Variants in SLC1A6 observed in about 807,000 individuals in gnomAD.
SLC1A6 encodes the protein excitatory amino acid transporter 4.
Under a neutral mutation model 42.1 loss-of-function variants are expected in SLC1A6, and 15 were observed. The observed-to-expected ratio is 0.36, with a 90% confidence interval of 0.24 to 0.55. The LOEUF (loss-of-function observed/expected upper bound fraction) is 0.55, where lower values mean the gene tolerates loss of function less well. SLC1A6 is among the 20% of genes least tolerant of loss of function. SLC1A6 has a pLI of 0.88. For missense variants in SLC1A6, 542 were observed against 772.5 expected (o/e 0.70, Z 3.54); for synonymous variants, 317 against 319.7 (o/e 0.99, Z 0.09).
intron 1 of SLC1A6, among the ~76,000 whole-genome samples, chr19:15,010,246 A>G (rs2045919863): frequency 6.7e-6 from 1 of 149,266 alleles, no homozygotes; most frequent in Non-Finnish European, 1.5e-5. Flanking sequence ...AGAAAAGAAA[A>G]CGTAAGACTA....
At chr19:14,973,189 C>T (rs2045665482) in intron 1 of SLC1A6, 1 of 471,774 alleles carries the variant, frequency 2.1e-6, no homozygotes, top group South Asian at 3.3e-5. Flanking sequence ...TCACTTGAGC[C>T]CAAGAGTTCA....
In SLC1A6 at chr19:14,979,051, C is replaced by CTCTCTCTCTCACACAT. The variant is rs2045743740; in HGVS notation, c.-8+257_-8+258insATGTGTGAGAGAGAGA. On this transcript the variant is annotated intron_variant, in intron 1 of 9. Transcript: ENST00000594383. This position sits in a 1 kb window ranked among gnomAD's most constrained non-coding sequence, Gnocchi z 4.2. ...AAATTCAGTCTCTCTCTCTCTCTGT[C>CTCTCTCTCTCACACAT]ACACACACACACACACACACACACA... Among the ~76,000 whole-genome samples, 4 of 1,348 alleles carry CTCTCTCTCTCACACAT rather than the reference C, an allele frequency of 3.0e-3. No individual in the cohort carries two copies. Among genetic ancestry groups the CTCTCTCTCTCACACAT allele is most frequent in the African/African-American group, 0.023 (4 of 172 alleles). The allele number at this position is 1,348 out of a possible 152,430, so 0.9% of individuals were successfully genotyped here. A position where few individuals can be genotyped will look rare whatever the true frequency, so the allele number is the denominator to read the frequency against.
intron 7 of SLC1A6, among the ~76,000 whole-genome samples, chr19:14,955,796 G>A (rs1331776213): frequency 6.6e-6 from 1 of 151,464 alleles, no homozygotes; most frequent in African/African-American, 2.4e-5. Flanking sequence ...TTAGCCAGGT[G>A]TGGTGGTGCA....
intron 1 of SLC1A6, among the ~76,000 whole-genome samples, chr19:14,999,093 T>C (rs953425589): frequency 3.3e-5 from 5 of 152,056 alleles, no homozygotes; most frequent in Non-Finnish European, 7.4e-5. Flanking sequence ...TTAGCCATGA[T>C]GGTCTCAATC....
rs10423764 is a variant in SLC1A6, at chr19:15,006,583, A to G, written c.6+3902T>C. ...TGAATGATCCCTTGATTACAAACCC[A>G]GGGTCATTCATTCTTTCTTGACTGT... On this transcript the variant is annotated intron_variant, in intron 1 of 8. Coordinates refer to the SLC1A6 transcript ENST00000430939. Among the ~76,000 whole-genome samples, 359 of 150,348 alleles carry G rather than the reference A, an allele frequency of 2.4e-3. 2 individuals are homozygous for G. Among genetic ancestry groups the G allele is most frequent in the African/African-American group, 8.5e-3 (349 of 40,898 alleles).
chr19:15,006,921 C>T (rs1426976690), intron 1 of SLC1A6, among the ~76,000 whole-genome samples: 1 of 151,978 alleles, frequency 6.6e-6, no homozygotes, highest in Non-Finnish European at 1.5e-5. Flanking sequence ...CTACTGCACT[C>T]CAGCCTGGGT....
chr19:15,009,612 G>A (rs1418365041), intron 1 of SLC1A6, among the ~76,000 whole-genome samples: 3 of 152,108 alleles, frequency 2.0e-5, no homozygotes, highest in Non-Finnish European at 4.4e-5. Flanking sequence ...CCGTAGGTAG[G>A]AGGGTGAGAA....
chr19:15,007,260 G>A (rs79242529), intron 1 of SLC1A6, among the ~76,000 whole-genome samples: 11,135 of 152,220 alleles, frequency 0.073, 950 homozygotes, highest in African/African-American at 0.21. Flanking sequence ...TGGAAAACAC[G>A]ATGCTGAGTG....
intron 9 of SLC1A6, among the ~76,000 whole-genome samples, chr19:14,951,078 C>CAAAA (rs59828742): frequency 3.3e-4 from 26 of 79,774 alleles, no homozygotes; most frequent in South Asian, 5.0e-4. Context: ...ACTAAAAATA[C>CAAAA]AAAAAAAAAA....
chr19:14,955,137 G>A (rs1329123611), intron 7 of SLC1A6, among the ~76,000 whole-genome samples: 1 of 152,084 alleles, frequency 6.6e-6, no homozygotes, highest in African/African-American at 2.4e-5. Flanking sequence ...TACATCATAC[G>A]GTTGGAATCC....
intron 1 of SLC1A6, among the ~76,000 whole-genome samples, chr19:14,975,909 A>G (rs2045705437): frequency 6.8e-6 from 1 of 148,104 alleles, no homozygotes; most frequent in African/African-American, 2.5e-5. Flanking sequence ...GGGAAGGGGG[A>G]AGGGAAGGAA....
rs759390817 is a variant in SLC1A6 at position 14,952,878 on chromosome 19, C to T, written c.1499+50G>A. The T allele has an allele frequency of 1.9e-6, 3 of 1,583,596 alleles. No individual in the cohort carries two copies. The South Asian group carries it at 3.5e-5, about 18-fold the overall frequency. On this transcript the variant is annotated intron_variant, in intron 9 of 9. Coordinates refer to ENST00000594383, the MANE Select transcript of SLC1A6 (RefSeq NM_005071.3). ...AGGTCGAGGACGTTGCAGGGGAAAG[C>T]AGTGTGTGCAGAAGCAGGAGCACCA...
At chr19:14,976,444 C>T (rs73927894) in intron 1 of SLC1A6, among the ~76,000 whole-genome samples, 1,819 of 152,218 alleles carry the variant, frequency 0.012, 37 homozygotes, top group African/African-American at 0.042. Context: ...TAGTAATCAG[C>T]CATAATAAAG....
At chr19:15,007,259 C>T (rs2045900315) in intron 1 of SLC1A6, among the ~76,000 whole-genome samples, 1 of 152,112 alleles carries the variant, frequency 6.6e-6, no homozygotes, top group African/African-American at 2.4e-5. Context: ...CTGGAAAACA[C>T]GATGCTGAGT....
chr19:15,010,137 G>C (rs2045918022), intron 1 of SLC1A6, among the ~76,000 whole-genome samples: 1 of 145,248 alleles, frequency 6.9e-6, no homozygotes, highest in Non-Finnish European at 1.5e-5. Flanking sequence ...AGTGAGCCCA[G>C]CTCGCACCAC....
At chr19:14,968,847 AAC>A (rs758011177) in intron 3 of SLC1A6, among the ~76,000 whole-genome samples, 25 of 105,398 alleles carry the variant, frequency 2.4e-4, no homozygotes, top group East Asian at 2.3e-3. Flanking sequence ...ACCATAACCT[AAC>A]TATTTTTTTT....
intron 2 of SLC1A6, among the ~76,000 whole-genome samples, chr19:14,972,120 G>C (rs2045647350): frequency 6.6e-6 from 1 of 150,872 alleles, no homozygotes; most frequent in African/African-American, 2.5e-5. Flanking sequence ...GTAAATGTGT[G>C]TGTATATATC....
At chr19:15,003,065 G>A (rs921409587) in intron 1 of SLC1A6, among the ~76,000 whole-genome samples, 1 of 151,888 alleles carries the variant, frequency 6.6e-6, no homozygotes, top group Non-Finnish European at 1.5e-5. Flanking sequence ...TGCAACCTCC[G>A]CCCCCCGGGT....
At chr19:14,983,122 A>G (rs7254857), upstream of SLC1A6, among the ~76,000 whole-genome samples, 904 of 152,234 alleles carry the variant, frequency 5.9e-3, 14 homozygotes, top group African/African-American at 0.021. Context: ...AGATTCTGAC[A>G]TTTTTCTGGG....
Sources: gnomAD v4.1 joint callset for allele counts (sites outside exome capture counted in the v4.1 genomes callset) on GRCh38, gnomAD v4.1.1 for gene constraint, Gnocchi (gnomAD v3.1) non-coding constraint, MANE v1.5 for transcripts, NCBI Gene and HGNC (gene_info 2026-07-23, HGNC 2026-07-21) for gene names.